Variants in GALNT13 observed in about 807,000 individuals in gnomAD.
The protein encoded by GALNT13 is UDP-GalNAc:polypeptide N-acetylgalactosaminyltransferase 13.
GALNT13 carries 28 observed loss-of-function variants against 64.2 expected under a neutral mutation model. The observed-to-expected ratio is 0.44, with a 90% confidence interval of 0.32 to 0.60. The LOEUF (loss-of-function observed/expected upper bound fraction) is 0.60, where lower values mean the gene tolerates loss of function less well. Ranked by LOEUF, GALNT13 falls within the 20% of genes least tolerant of loss-of-function variation. The pLI is 0.05. For missense variants in GALNT13, 577 were observed against 669.8 expected (o/e 0.86, Z 1.53); for synonymous variants, 214 against 224.6 (o/e 0.95, Z 0.42).
chr2:153,681,868 G>C, the GALNT13 span, among the ~76,000 whole-genome samples: 8 of 151,882 alleles, frequency 5.3e-5, no homozygotes, highest in African/African-American at 1.9e-4. Context: ...ATGCTACAGA[G>C]CACAGAGTTC....
chr2:154,102,090 CA>C (rs1702377528), intron 3 of GALNT13, among the ~76,000 whole-genome samples: 1 of 152,160 alleles, frequency 6.6e-6, no homozygotes, highest in African/African-American at 2.4e-5. Context: ...AACTGTTACA[CA>C]GATGACAAAA....
At chr2:153,598,094 CAT>C in the GALNT13 span, among the ~76,000 whole-genome samples, 1 of 152,184 alleles carries the variant, frequency 6.6e-6, no homozygotes, top group East Asian at 1.9e-4. Context: ...AGTACCCGTG[CAT>C]GTGTGTGTAT....
chr2:153,786,072 G>A, the GALNT13 span, among the ~76,000 whole-genome samples: 1 of 151,922 alleles, frequency 6.6e-6, no homozygotes, highest in Non-Finnish European at 1.5e-5. Flanking sequence ...TTCCTTGGAG[G>A]TGGAGCCCCC....
chr2:153,839,489 A>C, the GALNT13 span, among the ~76,000 whole-genome samples: 1 of 151,868 alleles, frequency 6.6e-6, no homozygotes, highest in African/African-American at 2.4e-5. Flanking sequence ...ATTTTGTCAA[A>C]TACTTTACCT....
chr2:154,330,873 G>T (rs892107972), intron 9 of GALNT13, among the ~76,000 whole-genome samples: 1 of 152,060 alleles, frequency 6.6e-6, no homozygotes, highest in Non-Finnish European at 1.5e-5. Context: ...TCTACTGACT[G>T]TTCTAAAATT....
the GALNT13 span, among the ~76,000 whole-genome samples, chr2:153,252,863 G>T: frequency 6.6e-6 from 1 of 152,216 alleles, no homozygotes; most frequent in African/African-American, 2.4e-5. Context: ...CGCTGTTTTG[G>T]TTACTGTAGC....
chr2:153,270,343 T>C, the GALNT13 span, among the ~76,000 whole-genome samples: 1 of 152,210 alleles, frequency 6.6e-6, no homozygotes, highest in Admixed American at 6.5e-5. Context: ...CTGAGTTCTG[T>C]TAATGCACTA....
the GALNT13 span, among the ~76,000 whole-genome samples, chr2:153,857,039 T>C: frequency 6.6e-6 from 1 of 152,016 alleles, no homozygotes; most frequent in East Asian, 1.9e-4. Context: ...TCAAAATAGG[T>C]GTTAGAAATT....
intron 4 of GALNT13, among the ~76,000 whole-genome samples, chr2:154,172,984 T>G (rs1008639615): frequency 1.3e-5 from 2 of 151,914 alleles, no homozygotes; most frequent in African/African-American, 4.8e-5. Context: ...AAAATTTATA[T>G]AGAACTACAG....
the GALNT13 span, among the ~76,000 whole-genome samples, chr2:153,161,330 A>G: frequency 6.6e-6 from 1 of 152,140 alleles, no homozygotes; most frequent in African/African-American, 2.4e-5. Flanking sequence ...CATGTCAGAT[A>G]CTCTTCTAGA....
chr2:153,181,030 C>CTTTTTTTT, the GALNT13 span, among the ~76,000 whole-genome samples: 19 of 32,066 alleles, frequency 5.9e-4, 1 homozygote, highest in East Asian at 1.8e-3. Context: ...TTTATTGTTT[C>CTTTTTTTT]TTTTTTTTTT....
chr2:154,258,033 A>G (rs1690474256), intron 7 of GALNT13, among the ~76,000 whole-genome samples: 1 of 151,996 alleles, frequency 6.6e-6, no homozygotes, highest in South Asian at 2.1e-4. Flanking sequence ...CTTTTTTTTT[A>G]AAGGTGGCTC....
the GALNT13 span, among the ~76,000 whole-genome samples, chr2:153,148,224 A>G: frequency 6.6e-6 from 1 of 151,908 alleles, no homozygotes; most frequent in Non-Finnish European, 1.5e-5. Flanking sequence ...TGGGTGTTGA[A>G]TGCTTCTTTG....
the GALNT13 span, among the ~76,000 whole-genome samples, chr2:153,209,144 A>AT: frequency 6.6e-6 from 1 of 150,996 alleles, no homozygotes; most frequent in African/African-American, 2.4e-5. Context: ...TGCCCAGCTA[A>AT]TTTTTTGTAT....
the GALNT13 span, among the ~76,000 whole-genome samples, chr2:153,439,314 C>G: frequency 6.6e-6 from 1 of 152,154 alleles, no homozygotes; most frequent in Non-Finnish European, 1.5e-5. Context: ...TCTCCAGCTG[C>G]GTGCTGGGAG....
At chr2:153,567,754 A>G in the GALNT13 span, among the ~76,000 whole-genome samples, 14 of 152,160 alleles carry the variant, frequency 9.2e-5, no homozygotes, top group Admixed American at 3.3e-4. Context: ...AATGCAAGAG[A>G]TGGTTATGAA....
intron 4 of GALNT13, among the ~76,000 whole-genome samples, chr2:154,176,396 G>T (rs1685655632): frequency 6.6e-6 from 1 of 151,450 alleles, no homozygotes; most frequent in Admixed American, 6.6e-5. Context: ...GGGACTACAG[G>T]CGCCCGCCAC....
chr2:153,907,170 C>T (rs7566142), intron 2 of GALNT13, among the ~76,000 whole-genome samples: 105,928 of 150,974 alleles, frequency 0.7, 37,462 homozygotes, highest in East Asian at 0.9. Flanking sequence ...GAGTAGGTTG[C>T]GAAAATTTTC....
chr2:153,393,528 T>C, the GALNT13 span, among the ~76,000 whole-genome samples: 1 of 152,112 alleles, frequency 6.6e-6, no homozygotes, highest in Non-Finnish European at 1.5e-5. Flanking sequence ...GTATAAATAC[T>C]ACCACACATT....
Sources: allele counts gnomAD v4.1 joint callset (sites outside exome capture counted in the v4.1 genomes callset), GRCh38; gene constraint gnomAD v4.1.1; transcripts MANE v1.5; gene names NCBI Gene and HGNC (gene_info 2026-07-23, HGNC 2026-07-21).